DGAT2: variants seen among roughly 807,000 people sequenced by gnomAD.
DGAT2 encodes acyl-CoA retinol O-fatty-acyltransferase.
A neutral mutation model predicts 48.4 loss-of-function variants in DGAT2; 33 were observed. The observed-to-expected ratio is 0.68, with a 90% CI of 0.52 to 0.91. The LOEUF (loss-of-function observed/expected upper bound fraction) is 0.91, where lower values mean the gene tolerates loss of function less well. Among genes scored for constraint, DGAT2 ranks in the 40% least tolerant of loss-of-function variants. The pLI, the probability that DGAT2 is intolerant of heterozygous loss-of-function variation, is 0.00. For missense variants in DGAT2, 446 were observed against 493.7 expected, an observed-to-expected ratio of 0.90 and a Z score of 0.92; for synonymous variants, 191 against 194.1, an observed-to-expected ratio of 0.98 and a Z score of 0.13.
intron 1 of DGAT2, among the ~76,000 whole-genome samples, chr11:75,783,442 G>C (rs1054761192): frequency 6.6e-6 from 1 of 152,166 alleles, no homozygotes; most frequent in Non-Finnish European, 1.5e-5. Context: ...AAAAGCAAAG[G>C]CTTGAGTGTA....
At chr11:75,776,280 T>C (rs1944802515) in intron 1 of DGAT2, 1 of 152,206 alleles carries the variant, frequency 6.6e-6, no homozygotes, top group South Asian at 2.1e-4. Flanking sequence ...CAAACATCGA[T>C]CGAGCACCTT....
At chr11:75,795,393 T>G (rs999773718) in intron 4 of DGAT2, 10 of 152,240 alleles carry the variant, frequency 6.6e-5, no homozygotes, top group African/African-American at 2.4e-4. Flanking sequence ...ATTGTCTCTC[T>G]CAGCCTCTTC....
intron 2 of DGAT2, among the ~76,000 whole-genome samples, chr11:75,786,791 G>T (rs565529315): frequency 6.6e-6 from 1 of 152,188 alleles, no homozygotes; most frequent in Non-Finnish European, 1.5e-5. Context: ...GGCCCTGTTG[G>T]TCTCTCCCTG....
chr11:75,778,795 C>T (rs934736106), intron 1 of DGAT2, among the ~76,000 whole-genome samples: 3 of 145,142 alleles, frequency 2.1e-5, no homozygotes, highest in Non-Finnish European at 3.0e-5. Context: ...GATCGCACCA[C>T]TGCACTCCAG....
At chr11:75,785,199 A>G (rs558107848) in intron 2 of DGAT2, among the ~76,000 whole-genome samples, 146 of 152,328 alleles carry the variant, frequency 9.6e-4, no homozygotes, top group African/African-American at 3.3e-3. Context: ...GTGACCTTAC[A>G]CAGGTTATTT....
intron 1 of DGAT2, among the ~76,000 whole-genome samples, chr11:75,779,865 G>A (rs1432644011): frequency 2.0e-5 from 3 of 152,216 alleles, no homozygotes; most frequent in Non-Finnish European, 4.4e-5. Context: ...GGCTGGTTTT[G>A]CCTCCTGCCA....
At chr11:75,769,236 C>A in intron 1 of DGAT2, 124 bp downstream of exon 1, 1 of 1,236,794 alleles carries the variant, frequency 8.1e-7, no homozygotes, top group Non-Finnish European at 1.1e-6. Context: ...TCAATTTTTA[C>A]GACCTCTGTT....
intron 5 of DGAT2, 27 bp downstream of exon 5, chr11:75,796,559 C>A: frequency 6.2e-7 from 1 of 1,604,382 alleles, no homozygotes. Context: ...TGTGCTCCTG[C>A]TGGGCACTGT....
At position 75,800,458 on chromosome 11, in the gene DGAT2, C is replaced by A. The variant is rs144285130; in HGVS notation, c.1117C>A (p.His373Asn). ...MEALVKLFDK[H>N]KTKFGLPETE... ...GGCCCTGGTGAAGCTCTTCGACAAG[C>A]ACAAGACCAAGTTCGGCCTCCCGGA... is the stretch of plus-strand genomic sequence containing the variant. The change falls in exon 8 of 8, where the codon CAC (histidine) becomes AAC (asparagine). Residue 373 changes from histidine (H) to asparagine (N), a missense_variant. Coordinates refer to ENST00000228027, the MANE Select transcript of DGAT2 (RefSeq NM_032564.5). 60 of 1,614,088 alleles carry A rather than the reference C, an allele frequency of 3.7e-5. No individual in the cohort carries two copies. The highest frequency in any genetic ancestry group is 4.8e-5 in the Non-Finnish European group (57 of 1,180,038).
At chr11:75,791,864 G>A (rs571454913) in intron 4 of DGAT2, among the ~76,000 whole-genome samples, 3 of 152,386 alleles carry the variant, frequency 2.0e-5, no homozygotes, top group Admixed American at 1.3e-4. Context: ...GGTGTCTATT[G>A]CATCCTGATA....
chr11:75,798,366 C>T lies in DGAT2; in HGVS notation c.949C>T (p.Arg317Ter), dbSNP rs34421064. The T allele has an allele frequency of 5.0e-6, 8 of 1,613,938 alleles. No homozygotes were observed. Among genetic ancestry groups the T allele is most frequent in the East Asian group, 2.2e-5 (1 of 44,896 alleles). The change falls in exon 7 of 8, where the codon CGA (arginine) becomes TGA (stop). Residue 317 changes from arginine to a stop codon, truncating the protein, a stop_gained. Coordinates refer to ENST00000228027, the MANE Select transcript of DGAT2 (RefSeq NM_032564.5). LOFTEE classifies it high-confidence loss of function. ...TTTCGCCCCATGCATCTTCCATGGT[C>T]GAGGCCTCTTCTCCTCCGACACCTG... is the stretch of plus-strand genomic sequence containing the variant. ...IGFAPCIFHG[R>*]GLFSSDTWGL...
At chr11:75,799,806 A>G (rs1945092664) in intron 7 of DGAT2, among the ~76,000 whole-genome samples, 1 of 151,354 alleles carries the variant, frequency 6.6e-6, no homozygotes, top group Non-Finnish European at 1.5e-5. Flanking sequence ...TTTGGTAGAG[A>G]CGATTTTCAC....
intron 1 of DGAT2, among the ~76,000 whole-genome samples, chr11:75,779,661 G>T (rs1304589557): frequency 6.6e-6 from 1 of 152,222 alleles, no homozygotes; most frequent in Non-Finnish European, 1.5e-5. Context: ...TGTGTGTAAA[G>T]CAAGTGCTGC....
intron 1 of DGAT2, among the ~76,000 whole-genome samples, chr11:75,783,696 AGGAATGGGGTATGGGT>A (rs1426253984): frequency 6.6e-6 from 1 of 152,166 alleles, no homozygotes; most frequent in Non-Finnish European, 1.5e-5. Context: ...AGCTGCCGGA[AGGAATGGGGTATGGGT>A]GAGGAACCTT....
rs1463584824 is a variant in DGAT2 at position 75,800,434 on chromosome 11, G to A, written c.1093G>A (p.Ala365Thr). The A allele has an allele frequency of 6.2e-7, 1 of 1,614,044 alleles. No homozygotes were observed. The highest frequency in any genetic ancestry group is 8.5e-7 in the Non-Finnish European group (1 of 1,180,042). The stretch of plus-strand genomic sequence containing the variant: ...CCTGTACCACACCATGTACATGGAG[G>A]CCCTGGTGAAGCTCTTCGACAAGCA... Reference protein sequence around the residue: ...IDLYHTMYMEALVKLFDKHKT... With the variant: ...IDLYHTMYMETLVKLFDKHKT... The change falls in exon 8 of 8, where the codon GCC becomes ACC. Residue 365 changes from alanine to threonine, a missense_variant. Coordinates refer to ENST00000228027, the MANE Select transcript of DGAT2 (RefSeq NM_032564.5).
chr11:75,788,397 T>A (rs774633403), intron 2 of DGAT2, among the ~76,000 whole-genome samples: 1 of 152,222 alleles, frequency 6.6e-6, no homozygotes. Flanking sequence ...TAGAAACTTG[T>A]CTTCCCTTCT....
intron 6 of DGAT2, 124 bp from the exon 7 acceptor site, chr11:75,798,103 C>T: frequency 2.1e-6 from 2 of 961,348 alleles, no homozygotes; most frequent in Non-Finnish European, 3.2e-6. Context: ...TTGGGACACC[C>T]AGGTAATTCT....
At chr11:75,774,293 C>G (rs537997724) in intron 1 of DGAT2, among the ~76,000 whole-genome samples, 14 of 152,334 alleles carry the variant, frequency 9.2e-5, no homozygotes, top group Admixed American at 7.2e-4. Context: ...TGCTCCGCAG[C>G]CTCAGCAAGC....
In DGAT2 at chr11:75,769,130, G is replaced by A. The variant is rs754819335; in HGVS notation, c.121+18G>A. On this transcript the variant is annotated intron_variant, in intron 1 of 7. Coordinates refer to ENST00000228027, the MANE Select transcript of DGAT2 (RefSeq NM_032564.5). Reference sequence around the variant, plus strand: ...GAGATGGGGTGAGTGCCACGGCGCAGGGGTTATGGACCTGCGAGAAGATTT... The same window carrying A: ...GAGATGGGGTGAGTGCCACGGCGCAAGGGTTATGGACCTGCGAGAAGATTT... 10 of 1,553,360 alleles carry A rather than the reference G, an allele frequency of 6.4e-6. No individual in the cohort carries two copies. The Admixed American group carries it at 1.2e-4, about 19-fold the overall frequency.
Sources: gnomAD v4.1 joint callset for allele counts (sites outside exome capture counted in the v4.1 genomes callset) on GRCh38, gnomAD v4.1.1 for gene constraint, MANE v1.5 for transcripts, NCBI Gene and HGNC (gene_info 2026-07-23, HGNC 2026-07-21) for gene names.